The following SLC2A14 variants were observed in gnomAD, a reference collection of about 807,000 sequenced individuals.
SLC2A14 encodes the protein solute carrier family 2, facilitated glucose transporter member 14.
Under a neutral mutation model 43.0 loss-of-function variants are expected in SLC2A14, and 13 were observed. The observed-to-expected ratio is 0.30, with a 90% confidence interval of 0.20 to 0.48. The LOEUF (loss-of-function observed/expected upper bound fraction) is 0.48, where lower values mean the gene tolerates loss of function less well. Among genes scored for constraint, SLC2A14 ranks in the 20% least tolerant of loss-of-function variants. SLC2A14 has a pLI of 0.99. For synonymous variants in SLC2A14, 190 were observed against 233.8 expected (o/e 0.81, Z 1.71); for missense variants, 428 against 620.4 (o/e 0.69, Z 3.29).
chr12:7,873,938 A>G (rs1318097303), upstream of SLC2A14, among the ~76,000 whole-genome samples: 2 of 152,112 alleles, frequency 1.3e-5, no homozygotes, highest in Non-Finnish European at 2.9e-5. Context: ...GGCCTTCAGT[A>G]CAGGGTTGAC....
intron 1 of SLC2A14, among the ~76,000 whole-genome samples, chr12:7,887,268 A>G (rs1231914065): frequency 6.6e-6 from 1 of 152,026 alleles, no homozygotes; most frequent in African/African-American, 2.4e-5. Context: ...TTCTTAAACA[A>G]TAGCATTCAG....
chr12:7,878,209 C>A (rs772206173), upstream of SLC2A14, among the ~76,000 whole-genome samples: 33 of 152,066 alleles, frequency 2.2e-4, no homozygotes, highest in African/African-American at 8.0e-4. Context: ...AGCCACCACG[C>A]CTGGCTAAGT....
At chr12:7,883,585 CTTTTCTTTTTT>C (rs1394689693) in intron 1 of SLC2A14, among the ~76,000 whole-genome samples, 9 of 121,102 alleles carry the variant, frequency 7.4e-5, no homozygotes, top group South Asian at 2.7e-4. Flanking sequence ...TTTTCTTTTT[CTTTTCTTTTTT>C]TTTTTTTTTT....
chr12:7,829,554 CAAAAAAA>C (rs36068117), intron 5 of SLC2A14, among the ~76,000 whole-genome samples: 1 of 144,006 alleles, frequency 6.9e-6, no homozygotes, highest in African/African-American at 2.5e-5. Flanking sequence ...AACTCCCTCT[CAAAAAAA>C]AAAAAAGAAA....
intron 7 of SLC2A14, among the ~76,000 whole-genome samples, chr12:7,822,626 G>T (rs891467895): frequency 6.7e-6 from 1 of 148,712 alleles, no homozygotes; most frequent in Non-Finnish European, 1.5e-5. Context: ...CCGAGATGGT[G>T]CCACTGCACT....
At chr12:7,859,695 C>A (rs901174617) in intron 2 of SLC2A14, among the ~76,000 whole-genome samples, 4 of 152,036 alleles carry the variant, frequency 2.6e-5, no homozygotes, top group African/African-American at 7.2e-5. Context: ...GGGGAAGTGA[C>A]CCAGGAGTTC....
rs1337238398 is a variant in SLC2A14 at position 7,813,871 on chromosome 12, G to C, written c.*445C>G. ...AAAACTCAAGTTAATTTGCCGCGTA[G>C]AGCTGTATGGAAGTGAGGAAGGTGC... On this transcript the variant is annotated 3_prime_UTR_variant, in exon 11 of 11. Transcript: ENST00000431042. 2 of 174,572 alleles carry C rather than the reference G, an allele frequency of 1.1e-5. No homozygotes were observed. Among genetic ancestry groups the C allele is most frequent in the Admixed American group, 1.1e-4 (2 of 18,176 alleles). 10.8% of individuals were successfully genotyped at this position (174,572 alleles called of 1,614,324 possible). A position where few individuals can be genotyped will look rare whatever the true frequency, so the allele number is the denominator to read the frequency against.
chr12:7,814,650 A>G, intron 10 of SLC2A14, 116 bp from the exon 11 acceptor site: 1 of 1,102,882 alleles, frequency 9.1e-7, no homozygotes, highest in African/African-American at 1.6e-5. Flanking sequence ...TCCATATTTA[A>G]TGAAAACATA....
chr12:7,857,068 G>A (rs1282559273), intron 2 of SLC2A14, among the ~76,000 whole-genome samples: 1 of 150,810 alleles, frequency 6.6e-6, no homozygotes, highest in Admixed American at 6.6e-5. Context: ...TGGCCAACAT[G>A]GTGAAACCCC....
chr12:7,826,817 T>TC (rs1864393340), intron 7 of SLC2A14, among the ~76,000 whole-genome samples: 1 of 127,704 alleles, frequency 7.8e-6, no homozygotes, highest in Non-Finnish European at 1.6e-5. Flanking sequence ...GCTCGCTCTT[T>TC]TTTCTTTCTT....
chr12:7,815,834 C>T (rs1029076517), intron 10 of SLC2A14, among the ~76,000 whole-genome samples: 1 of 152,046 alleles, frequency 6.6e-6, no homozygotes, highest in Non-Finnish European at 1.5e-5. Flanking sequence ...CCTTGGTCTC[C>T]CAAAGTGCTG....
chr12:7,826,577 T>G (rs1864371718), intron 7 of SLC2A14, among the ~76,000 whole-genome samples: 1 of 152,166 alleles, frequency 6.6e-6, no homozygotes, highest in Non-Finnish European at 1.5e-5. Context: ...AAGGGTGCTC[T>G]TCATATCCGT....
At chr12:7,827,894 A>G (rs11055994) in intron 6 of SLC2A14, among the ~76,000 whole-genome samples, 39,615 of 151,968 alleles carry the variant, frequency 0.26, 5,365 homozygotes, top group East Asian at 0.41. Context: ...TAATCCCAGC[A>G]TTTTGTGAGG....
intron 2 of SLC2A14, among the ~76,000 whole-genome samples, chr12:7,862,520 C>T (rs760422756): frequency 1.1e-3 from 161 of 152,236 alleles, no homozygotes; most frequent in African/African-American, 3.2e-3. Flanking sequence ...ATGCCGCCCC[C>T]TGCTCCACGG....
chr12:7,817,592 C>A (rs953107391), intron 10 of SLC2A14, among the ~76,000 whole-genome samples: 2 of 152,060 alleles, frequency 1.3e-5, no homozygotes, highest in Non-Finnish European at 2.9e-5. Flanking sequence ...CATGGGGAAA[C>A]CCCATCTCTA....
chr12:7,825,235 T>G (rs968776978), intron 7 of SLC2A14, among the ~76,000 whole-genome samples: 1 of 124,436 alleles, frequency 8.0e-6, no homozygotes, highest in African/African-American at 3.3e-5. Context: ...CCGAGGCGGG[T>G]GGATCACTTG....
intron 1 of SLC2A14, among the ~76,000 whole-genome samples, chr12:7,889,479 C>T (rs373129441): frequency 6.6e-6 from 1 of 151,100 alleles, no homozygotes; most frequent in African/African-American, 2.4e-5. Context: ...GGTGATACAC[C>T]ACCTCGGCCT....
At chr12:7,831,812 C>A (rs777378341) in intron 3 of SLC2A14, 48 bp from the exon 4 acceptor site, 2 of 1,604,068 alleles carry the variant, frequency 1.2e-6, no homozygotes, top group Non-Finnish European at 1.7e-6. Flanking sequence ...TGGATGAGAA[C>A]AAAAGATACA....
intron 2 of SLC2A14, among the ~76,000 whole-genome samples, chr12:7,846,582 A>C (rs1866483787): frequency 6.6e-6 from 1 of 151,924 alleles, no homozygotes; most frequent in Admixed American, 6.6e-5. Context: ...CTTAGTGAAA[A>C]AACTATAGTA....
Sources: gnomAD v4.1 joint callset for allele counts (sites outside exome capture counted in the v4.1 genomes callset) on GRCh38, gnomAD v4.1.1 for gene constraint, MANE v1.5 for transcripts, NCBI Gene and HGNC (gene_info 2026-07-23, HGNC 2026-07-21) for gene names.